GRID1: variants seen among roughly 807,000 people sequenced by gnomAD.
GRID1 encodes the protein glutamate receptor ionotropic, delta-1.
GRID1 carries 28 observed loss-of-function variants against 98.0 expected under a neutral mutation model. The observed-to-expected ratio is 0.29, with a 90% CI of 0.21 to 0.39. The LOEUF (loss-of-function observed/expected upper bound fraction) is 0.39. GRID1 is among the 10% of genes least tolerant of loss of function. The pLI is 1.00. For missense variants in GRID1, 1,111 were observed against 1,340.5 expected, an observed-to-expected ratio of 0.83 and a Z score of 2.67; for synonymous variants, 553 against 538.5, an observed-to-expected ratio of 1.03 and a Z score of -0.37.
chr10:85,767,559 C>A lies in GRID1; in HGVS notation c.1234-37945G>T, dbSNP rs143852929. Among the ~76,000 whole-genome samples the A allele has an allele frequency of 9.1e-4, 138 of 152,236 alleles. 1 individual carries two copies. The highest frequency in any genetic ancestry group is 3.2e-3 in the African/African-American group (131 of 41,546). Reference sequence around the variant, plus strand: ...CGACCTGAAAGTTCTGAGTCATTTTCATTTTGCTGAAGTTTTGGGCCTGTT... The same window carrying A: ...CGACCTGAAAGTTCTGAGTCATTTTAATTTTGCTGAAGTTTTGGGCCTGTT... On this transcript the variant is annotated intron_variant, in intron 8 of 15. Coordinates refer to ENST00000327946, the MANE Select transcript of GRID1 (RefSeq NM_017551.3).
chr10:85,828,028 A>G (rs138132762), intron 8 of GRID1, among the ~76,000 whole-genome samples: 66 of 152,294 alleles, frequency 4.3e-4, no homozygotes, highest in African/African-American at 1.6e-3. Flanking sequence ...TTGACTACAC[A>G]ATCAGCTATA....
At chr10:86,007,140 C>A (rs1842870866) in intron 4 of GRID1, among the ~76,000 whole-genome samples, 1 of 152,130 alleles carries the variant, frequency 6.6e-6, no homozygotes, top group African/African-American at 2.4e-5. Context: ...TCAAAATTTC[C>A]AAATTCAAAG....
At chr10:86,102,822 T>C (rs1049105660) in intron 4 of GRID1, among the ~76,000 whole-genome samples, 8 of 152,170 alleles carry the variant, frequency 5.3e-5, no homozygotes, top group Non-Finnish European at 1.0e-4. Flanking sequence ...TCTTGAATTG[T>C]AGTGCCCATA....
At chr10:86,073,546 G>T (rs879942456) in intron 4 of GRID1, among the ~76,000 whole-genome samples, 7 of 152,204 alleles carry the variant, frequency 4.6e-5, no homozygotes, top group Non-Finnish European at 1.0e-4. Context: ...ATGTTTTCTT[G>T]CCTCCTGCTG....
chr10:85,723,198 C>A lies in GRID1; in HGVS notation c.1859-57G>T, dbSNP rs1841723659. 36 of 1,525,930 alleles carry A rather than the reference C, an allele frequency of 2.4e-5. 1 individual carries two copies. The South Asian group carries it at 3.7e-4, about 16-fold the overall frequency. 94.5% of individuals were successfully genotyped at this position (1,525,930 alleles called of 1,614,324 possible). On this transcript the variant is annotated intron_variant, in intron 11 of 15. Transcript: ENST00000327946. The stretch of plus-strand genomic sequence containing the variant: ...TGGCTTCTGCTCTCCCTCCTATCCC[C>A]AGGGAGGTGTTCTGCCCTGCAGCCA...
At chr10:86,109,163 T>C (rs1274983237) in intron 4 of GRID1, among the ~76,000 whole-genome samples, 1 of 152,230 alleles carries the variant, frequency 6.6e-6, no homozygotes, top group Admixed American at 6.5e-5. Context: ...CTCCTGTTTA[T>C]CTTGCTTCAA....
chr10:85,715,919 T>C (rs78719206), intron 12 of GRID1, among the ~76,000 whole-genome samples: 1 of 140,454 alleles, frequency 7.1e-6, no homozygotes, highest in Non-Finnish European at 1.6e-5. Flanking sequence ...TTTTTTTTTT[T>C]CTTTTGAGAC....
At chr10:85,653,473 G>A (rs1219899098) in intron 12 of GRID1, among the ~76,000 whole-genome samples, 1 of 152,150 alleles carries the variant, frequency 6.6e-6, no homozygotes, top group African/African-American at 2.4e-5. Context: ...AGACAGGGTG[G>A]CCAAGGAGCC....
chr10:85,770,471 C>G (rs866502652), intron 8 of GRID1, among the ~76,000 whole-genome samples: 1 of 152,132 alleles, frequency 6.6e-6, no homozygotes, highest in Non-Finnish European at 1.5e-5. Context: ...CAAAGCTGGA[C>G]GGAGAATGCC....
chr10:86,136,529 G>A (rs1257909842), intron 4 of GRID1, among the ~76,000 whole-genome samples: 2 of 152,216 alleles, frequency 1.3e-5, no homozygotes, highest in Non-Finnish European at 2.9e-5. Context: ...CCTTAAGTAA[G>A]TCATTTAACA....
At chr10:85,659,513 T>C (rs1256211701) in intron 12 of GRID1, among the ~76,000 whole-genome samples, 2 of 152,206 alleles carry the variant, frequency 1.3e-5, no homozygotes, top group Non-Finnish European at 2.9e-5. Context: ...GCACTCATGG[T>C]GCAAGAAAAC....
At chr10:85,897,026 C>T (rs11201826) in intron 5 of GRID1, among the ~76,000 whole-genome samples, 54,156 of 151,772 alleles carry the variant, frequency 0.36, 10,505 homozygotes, top group African/African-American at 0.51. Context: ...GTTAATGATA[C>T]ATTATTAATT....
At chr10:85,945,582 G>A (rs768816959) in intron 4 of GRID1, among the ~76,000 whole-genome samples, 16 of 152,238 alleles carry the variant, frequency 1.1e-4, no homozygotes, top group Non-Finnish European at 1.8e-4. Flanking sequence ...CATCTTCCCA[G>A]ATACTTCAAA....
intron 9 of GRID1, 48 bp from the exon 10 acceptor site, chr10:85,728,100 A>C: frequency 8.1e-7 from 1 of 1,228,692 alleles, no homozygotes; most frequent in Non-Finnish European, 1.2e-6. Context: ...CAGGTTCATC[A>C]ACACATATTT....
chr10:86,228,595 T>G (rs1040938222), intron 2 of GRID1, among the ~76,000 whole-genome samples: 1 of 152,016 alleles, frequency 6.6e-6, no homozygotes, highest in African/African-American at 2.4e-5. Context: ...TGGCCCCGTA[T>G]GAGGGATGGC....
intron 4 of GRID1, among the ~76,000 whole-genome samples, chr10:86,021,438 A>G (rs1843048207): frequency 6.6e-6 from 1 of 152,066 alleles, no homozygotes; most frequent in Non-Finnish European, 1.5e-5. Context: ...ACACCCTGAG[A>G]TGTCTGTTTA....
chr10:85,731,505 G>C (rs576891164), intron 8 of GRID1, among the ~76,000 whole-genome samples: 48 of 151,774 alleles, frequency 3.2e-4, no homozygotes, highest in African/African-American at 1.0e-3. Flanking sequence ...TTCTCCATTG[G>C]ACCTTAAAAA....
At chr10:85,795,343 C>A (rs1431561276) in intron 8 of GRID1, among the ~76,000 whole-genome samples, 1 of 152,138 alleles carries the variant, frequency 6.6e-6, no homozygotes, top group Non-Finnish European at 1.5e-5. Flanking sequence ...AAACATATGA[C>A]AGCAAAAGAT....
intron 3 of GRID1, among the ~76,000 whole-genome samples, chr10:86,148,133 C>T (rs900784819): frequency 2.0e-5 from 3 of 152,212 alleles, no homozygotes; most frequent in African/African-American, 7.2e-5. Context: ...ATTGGCCTTG[C>T]CATACCTAAA....
Sources: allele counts gnomAD v4.1 joint callset (sites outside exome capture counted in the v4.1 genomes callset), GRCh38; gene constraint gnomAD v4.1.1; transcripts MANE v1.5; gene names NCBI Gene and HGNC (gene_info 2026-07-23, HGNC 2026-07-21).